TAFA1: variants seen among roughly 807,000 people sequenced by gnomAD.
TAFA1 encodes chemokine-like protein TAFA-1.
Under a neutral mutation model 18.5 loss-of-function variants are expected in TAFA1, and 4 were observed. The observed-to-expected ratio is 0.22, with a 90% CI of 0.11 to 0.49. The LOEUF (loss-of-function observed/expected upper bound fraction) is 0.49. Ranked by LOEUF, TAFA1 falls within the 20% of genes least tolerant of loss-of-function variation. The pLI is 0.98. For synonymous variants in TAFA1, 56 were observed against 55.2 expected, an observed-to-expected ratio of 1.01 and a Z score of -0.06; for missense variants, 147 against 169.0, an observed-to-expected ratio of 0.87 and a Z score of 0.72.
chr3:68,294,549 T>C (rs1559603793), intron 2 of TAFA1, among the ~76,000 whole-genome samples: 3 of 152,208 alleles, frequency 2.0e-5, no homozygotes. Context: ...AAATGTTTTA[T>C]ACTATTTCCA....
intron 3 of TAFA1, among the ~76,000 whole-genome samples, chr3:68,485,404 C>T (rs1415001642): frequency 6.6e-6 from 1 of 152,200 alleles, no homozygotes; most frequent in African/African-American, 2.4e-5. Flanking sequence ...CACTGGCTTA[C>T]TTAGAGAATC....
chr3:68,099,720 A>G (rs766888194), intron 2 of TAFA1, among the ~76,000 whole-genome samples: 1 of 152,218 alleles, frequency 6.6e-6, no homozygotes, highest in Non-Finnish European at 1.5e-5. Context: ...AGCACTATTC[A>G]TAATAGCAAA....
intron 2 of TAFA1, among the ~76,000 whole-genome samples, chr3:68,388,440 T>C (rs925685479): frequency 3.3e-5 from 5 of 152,186 alleles, no homozygotes; most frequent in African/African-American, 7.2e-5. Context: ...TTTTAAACAT[T>C]ATTGCTCTAA....
At chr3:68,204,848 T>C (rs752086425) in intron 2 of TAFA1, among the ~76,000 whole-genome samples, 3 of 151,882 alleles carry the variant, frequency 2.0e-5, no homozygotes, top group Admixed American at 6.6e-5. Flanking sequence ...AACAAAGATA[T>C]ACAGTTACCT....
intron 2 of TAFA1, among the ~76,000 whole-genome samples, chr3:68,081,550 A>T (rs2064900493): frequency 6.6e-6 from 1 of 151,980 alleles, no homozygotes; most frequent in Non-Finnish European, 1.5e-5. Context: ...CCTCAGCTGC[A>T]GGTCTGTTGG....
At chr3:68,495,032 C>T (rs1445146429) in intron 3 of TAFA1, among the ~76,000 whole-genome samples, 1 of 151,964 alleles carries the variant, frequency 6.6e-6, no homozygotes, top group African/African-American at 2.4e-5. Flanking sequence ...GAAAAGAAAA[C>T]AACAGAAGCT....
intron 2 of TAFA1, among the ~76,000 whole-genome samples, chr3:68,084,221 T>G (rs2106782634): frequency 6.6e-6 from 1 of 152,332 alleles, no homozygotes; most frequent in Admixed American, 6.5e-5. Flanking sequence ...CAGGCACCTC[T>G]TTAGTGGAGT....
At position 68,032,803 on chromosome 3, in the gene TAFA1, TC is replaced by T. The variant is rs1445462777; in HGVS notation, c.118+26061del. ...CCTGTCCAGGAAAACAAAAAGATCT[TC>T]CTTAGGACCTACAGAGCCAAGAATC... On this transcript the variant is annotated intron_variant, in intron 2 of 4. Transcript: ENST00000478136. Among the ~76,000 whole-genome samples, 3 of 152,148 alleles carry T rather than the reference TC, an allele frequency of 2.0e-5. No homozygotes were observed. In the East Asian group the frequency reaches 5.8e-4, roughly 29 times the overall value.
chr3:68,327,023 G>A (rs2068786429), intron 2 of TAFA1, among the ~76,000 whole-genome samples: 1 of 152,152 alleles, frequency 6.6e-6, no homozygotes, highest in African/African-American at 2.4e-5. Context: ...ATTAAATCAT[G>A]GGGGTGGTTC....
At chr3:68,240,805 C>T (rs777430185) in intron 2 of TAFA1, among the ~76,000 whole-genome samples, 2 of 152,150 alleles carry the variant, frequency 1.3e-5, no homozygotes, top group African/African-American at 4.8e-5. Flanking sequence ...CATGTATATT[C>T]CTTTACTGAT....
At chr3:68,438,696 T>G (rs542120390) in intron 3 of TAFA1, among the ~76,000 whole-genome samples, 1 of 152,314 alleles carries the variant, frequency 6.6e-6, no homozygotes, top group East Asian at 1.9e-4. Flanking sequence ...GCCCTCAGGT[T>G]GTCTGACACA....
rs566171932 is a variant in TAFA1 at position 68,415,596 on chromosome 3, A to C, written c.119-1684A>C. On this transcript the variant is annotated intron_variant, in intron 2 of 4. Coordinates refer to ENST00000478136, the MANE Select transcript of TAFA1 (RefSeq NM_213609.4). Reference sequence around the variant, plus strand: ...TTATTTATATCTTTGTTGGCACCAAAGATATAAATTTATACCTTTGTTGGC... The same window carrying C: ...TTATTTATATCTTTGTTGGCACCAACGATATAAATTTATACCTTTGTTGGC... 1.7e-3 allele frequency among the ~76,000 whole-genome samples: 255 copies of C among 152,214 alleles called. 1 individual carries two copies. The highest frequency in any genetic ancestry group is 6.8e-3 in the Middle Eastern group (2 of 294).
chr3:68,021,605 T>C (rs1198736963), intron 2 of TAFA1, among the ~76,000 whole-genome samples: 1 of 152,204 alleles, frequency 6.6e-6, no homozygotes, highest in Admixed American at 6.5e-5. Context: ...ATGTACCCTG[T>C]ATTTTCTACT....
At chr3:68,084,819 A>G (rs887511255) in intron 2 of TAFA1, among the ~76,000 whole-genome samples, 7 of 151,890 alleles carry the variant, frequency 4.6e-5, no homozygotes, top group Admixed American at 3.9e-4. Flanking sequence ...AAAACCAAAA[A>G]AACCAAATAA....
At chr3:68,265,542 A>G (rs1341287781) in intron 2 of TAFA1, among the ~76,000 whole-genome samples, 1 of 152,152 alleles carries the variant, frequency 6.6e-6, no homozygotes, top group East Asian at 1.9e-4. Flanking sequence ...CTTCAGAAAG[A>G]TGTTTTGATA....
the TAFA1 span, among the ~76,000 whole-genome samples, chr3:67,999,012 T>C: frequency 2.0e-5 from 3 of 152,204 alleles, no homozygotes; most frequent in South Asian, 6.2e-4. Context: ...TACTAAAAAT[T>C]ATTCAAAATC....
At chr3:68,023,699 A>T (rs1415869596) in intron 2 of TAFA1, among the ~76,000 whole-genome samples, 2 of 151,824 alleles carry the variant, frequency 1.3e-5, no homozygotes, top group Non-Finnish European at 2.9e-5. Flanking sequence ...TACTCAGTCT[A>T]TAAAGAAGGC....
At chr3:68,217,368 C>A (rs1433186987) in intron 2 of TAFA1, among the ~76,000 whole-genome samples, 1 of 151,822 alleles carries the variant, frequency 6.6e-6, no homozygotes, top group African/African-American at 2.4e-5. Context: ...GAGCAATGTT[C>A]TATAAGTTAT....
intron 2 of TAFA1, among the ~76,000 whole-genome samples, chr3:68,069,973 G>A (rs1030301891): frequency 1.3e-5 from 2 of 152,188 alleles, no homozygotes; most frequent in Admixed American, 6.5e-5. Context: ...TCACGGGCTG[G>A]CATTGAGTGT....
Sources: allele counts gnomAD v4.1 joint callset (sites outside exome capture counted in the v4.1 genomes callset), GRCh38; gene constraint gnomAD v4.1.1; transcripts MANE v1.5; gene names NCBI Gene and HGNC (gene_info 2026-07-23, HGNC 2026-07-21).